Variants in RBFOX1 observed in about 807,000 individuals in gnomAD.
RBFOX1 encodes the protein RNA binding fox-1 homolog 1.
A neutral mutation model predicts 57.7 loss-of-function variants in RBFOX1; 8 were observed. That is an observed-to-expected ratio of 0.14 (90% CI 0.08 to 0.25). The LOEUF is 0.25. Ranked by LOEUF, RBFOX1 falls within the 10% of genes least tolerant of loss-of-function variation. The probability of loss-of-function intolerance (pLI) is 1.00; values close to 1 mark genes in which losing one functional copy is unlikely to be tolerated. For missense variants in RBFOX1, 611 were observed against 548.5 expected, an observed-to-expected ratio of 1.11 and a Z score of -1.14; for synonymous variants, 326 against 222.4, an observed-to-expected ratio of 1.47 and a Z score of -4.15.
rs562865179 is a variant in RBFOX1 at position 6,709,538 on chromosome 16, T to A, written c.-16+54888T>A. ...TTTTCTCCTACATACTTCTTTCTAC[T>A]TTTACATTTGTGAAGGGTATTAATC... On this transcript the variant is annotated intron_variant, in intron 3 of 15. Transcript: ENST00000550418. Among the ~76,000 whole-genome samples, 171 of 152,316 alleles carry A rather than the reference T, an allele frequency of 1.1e-3. 1 individual carries two copies. Among genetic ancestry groups the A allele is most frequent in the African/African-American group, 4.0e-3 (168 of 41,566 alleles).
intron 13 of RBFOX1, among the ~76,000 whole-genome samples, chr16:7,670,127 G>C (rs1032214449): frequency 6.6e-6 from 1 of 152,150 alleles, no homozygotes; most frequent in East Asian, 1.9e-4. Flanking sequence ...TGCCTCCCAG[G>C]TTCAAGCAAT....
intron 4 of RBFOX1, among the ~76,000 whole-genome samples, chr16:7,350,536 A>G (rs2097109610): frequency 6.6e-6 from 1 of 152,188 alleles, no homozygotes. Flanking sequence ...TGATTGTATC[A>G]TGTTAAAAGA....
At chr16:6,364,610 C>T (rs183549763) in intron 2 of RBFOX1, among the ~76,000 whole-genome samples, 2 of 152,174 alleles carry the variant, frequency 1.3e-5, no homozygotes, top group Non-Finnish European at 2.9e-5. Context: ...TTGATGGAGA[C>T]ATATGGTCAT....
intron 4 of RBFOX1, among the ~76,000 whole-genome samples, chr16:7,171,810 T>C (rs2080759216): frequency 6.6e-6 from 1 of 152,192 alleles, no homozygotes; most frequent in South Asian, 2.1e-4. Context: ...GCTTGGCCAT[T>C]GTCTTTTTTT....
intron 3 of RBFOX1, among the ~76,000 whole-genome samples, chr16:6,731,370 T>C (rs2068536478): frequency 6.6e-6 from 1 of 152,142 alleles, no homozygotes; most frequent in African/African-American, 2.4e-5. Flanking sequence ...GGCACGACTA[T>C]ACTTTAGAAA....
At chr16:7,708,176 C>T (rs1266056282) in intron 14 of RBFOX1, among the ~76,000 whole-genome samples, 1 of 152,044 alleles carries the variant, frequency 6.6e-6, no homozygotes, top group South Asian at 2.1e-4. Flanking sequence ...TTGTCTCCCC[C>T]CTCATAAAAA....
At chr16:6,316,917 A>T (rs2081187186) in intron 1 of RBFOX1, 78 bp from the exon 2 acceptor site, 2 of 1,230,960 alleles carry the variant, frequency 1.6e-6, no homozygotes, top group Admixed American at 4.1e-5. Context: ...GGTCCATATT[A>T]CTATGACAAA....
chr16:7,676,685 TA>T, intron 13 of RBFOX1, 88 bp from the exon 14 acceptor site: 1 of 1,104,490 alleles, frequency 9.1e-7, no homozygotes. Context: ...TAGATTTGGG[TA>T]ACAGCTGCTC....
At chr16:7,705,653 G>A (rs577057315) in intron 14 of RBFOX1, among the ~76,000 whole-genome samples, 37 of 152,306 alleles carry the variant, frequency 2.4e-4, no homozygotes, top group Middle Eastern at 3.4e-3. Flanking sequence ...GGTTTTAAGC[G>A]GGGAGTCATA....
At chr16:6,585,696 G>T (rs1299273480) in intron 2 of RBFOX1, among the ~76,000 whole-genome samples, 1 of 152,064 alleles carries the variant, frequency 6.6e-6, no homozygotes, top group East Asian at 1.9e-4. Context: ...AATGATAACT[G>T]TAATCATGCA....
At chr16:7,188,828 C>A (rs539688831) in intron 4 of RBFOX1, among the ~76,000 whole-genome samples, 14 of 152,164 alleles carry the variant, frequency 9.2e-5, no homozygotes, top group African/African-American at 3.1e-4. Context: ...ATTGAGTTGG[C>A]TGTTAAAAAT....
intron 4 of RBFOX1, among the ~76,000 whole-genome samples, chr16:7,317,965 G>A (rs2096475419): frequency 6.6e-6 from 1 of 152,160 alleles, no homozygotes; most frequent in South Asian, 2.1e-4. Flanking sequence ...GGAGGTGATG[G>A]TGGTGATGGT....
intron 3 of RBFOX1, among the ~76,000 whole-genome samples, chr16:6,763,349 C>T (rs1178392307): frequency 6.6e-6 from 1 of 152,130 alleles, no homozygotes; most frequent in Non-Finnish European, 1.5e-5. Flanking sequence ...AGCCCATCAC[C>T]AGTGATTACT....
intron 3 of RBFOX1, among the ~76,000 whole-genome samples, chr16:5,828,214 T>A (rs1394632118): frequency 1.3e-5 from 2 of 152,098 alleles, no homozygotes; most frequent in Non-Finnish European, 2.9e-5. Context: ...CATCCACCCA[T>A]TCATCTGTCC....
intron 1 of RBFOX1, among the ~76,000 whole-genome samples, chr16:5,426,364 T>C (rs1248809622): frequency 6.6e-6 from 1 of 152,098 alleles, no homozygotes; most frequent in Non-Finnish European, 1.5e-5. Flanking sequence ...TTTTTGGAAA[T>C]GAATAAATAA....
intron 3 of RBFOX1, among the ~76,000 whole-genome samples, chr16:5,612,325 C>A (rs2047853443): frequency 6.6e-6 from 1 of 152,094 alleles, no homozygotes; most frequent in Admixed American, 6.5e-5. Flanking sequence ...ACTCATCCAC[C>A]TATCCACCAC....
chr16:5,814,792 G>A (rs1412117278), intron 3 of RBFOX1, among the ~76,000 whole-genome samples: 4 of 152,132 alleles, frequency 2.6e-5, no homozygotes, highest in African/African-American at 4.8e-5. Flanking sequence ...AGCCAGGCGC[G>A]GTGGAGGGCG....
intron 4 of RBFOX1, among the ~76,000 whole-genome samples, chr16:5,984,054 C>A: frequency 2.1e-5 from 2 of 94,338 alleles, no homozygotes; most frequent in Non-Finnish European, 4.4e-5. Context: ...CTTCTTCCTC[C>A]CCCTCCTTCT....
At chr16:6,035,738 A>C (rs995383815) in intron 1 of RBFOX1, among the ~76,000 whole-genome samples, 1 of 152,148 alleles carries the variant, frequency 6.6e-6, no homozygotes, top group African/African-American at 2.4e-5. Flanking sequence ...CTAGGCATAG[A>C]CTGTCAACCA....
Sources: gnomAD v4.1 joint callset for allele counts (sites outside exome capture counted in the v4.1 genomes callset) on GRCh38, gnomAD v4.1.1 for gene constraint, MANE v1.5 for transcripts, NCBI Gene and HGNC (gene_info 2026-07-23, HGNC 2026-07-21) for gene names.